Variants in DAB1 observed in about 807,000 individuals in gnomAD.
The protein encoded by DAB1 is DAB adaptor protein 1.
A neutral mutation model predicts 64.6 loss-of-function variants in DAB1; 15 were observed. That is an observed-to-expected ratio of 0.23 (90% confidence interval 0.16 to 0.36). The LOEUF (loss-of-function observed/expected upper bound fraction) is 0.36. Ranked by LOEUF, DAB1 falls within the 10% of genes least tolerant of loss-of-function variation. The pLI is 1.00. For synonymous variants in DAB1, 235 were observed against 251.9 expected, an observed-to-expected ratio of 0.93 and a Z score of 0.64; for missense variants, 596 against 706.7, an observed-to-expected ratio of 0.84 and a Z score of 1.78.
intron 1 of DAB1, among the ~76,000 whole-genome samples, chr1:58,535,096 G>GT (rs1420587498): frequency 6.6e-6 from 1 of 152,146 alleles, no homozygotes; most frequent in Non-Finnish European, 1.5e-5. Flanking sequence ...ATTTTAAGGT[G>GT]TTTTACTCAC....
chr1:58,352,620 T>A (rs1231998499), intron 3 of DAB1, among the ~76,000 whole-genome samples: 1 of 152,182 alleles, frequency 6.6e-6, no homozygotes, highest in African/African-American at 2.4e-5. Context: ...AAAGTGGGTC[T>A]AAACACAATC....
At chr1:57,637,963 A>T (rs758421895) in intron 7 of DAB1, among the ~76,000 whole-genome samples, 2 of 152,188 alleles carry the variant, frequency 1.3e-5, no homozygotes, top group Non-Finnish European at 2.9e-5. Flanking sequence ...GTTTACAATG[A>T]TTGTTACTGA....
intron 3 of DAB1, among the ~76,000 whole-genome samples, chr1:58,495,228 A>G (rs952465804): frequency 6.6e-6 from 1 of 152,098 alleles, no homozygotes; most frequent in Non-Finnish European, 1.5e-5. Flanking sequence ...ATGAGAACAC[A>G]TGGACACAGG....
At chr1:57,872,967 T>C (rs1011221435) in intron 1 of DAB1, among the ~76,000 whole-genome samples, 2 of 152,124 alleles carry the variant, frequency 1.3e-5, no homozygotes, top group African/African-American at 4.8e-5. Flanking sequence ...AGGTCTGGAC[T>C]GGATGGTTAG....
At chr1:58,094,469 G>C (rs546592433) in intron 5 of DAB1, among the ~76,000 whole-genome samples, 1 of 152,202 alleles carries the variant, frequency 6.6e-6, no homozygotes. Flanking sequence ...TGAAGAGAAA[G>C]TGGCTTGCAG....
intron 1 of DAB1, among the ~76,000 whole-genome samples, chr1:57,318,602 T>TA (rs539917883): frequency 1.2e-3 from 188 of 152,028 alleles, no homozygotes; most frequent in Non-Finnish European, 2.1e-3. Context: ...CCAAGGGAGA[T>TA]AAAAAATATC....
intron 2 of DAB1, among the ~76,000 whole-genome samples, chr1:57,183,438 C>T (rs1205367930): frequency 6.6e-6 from 1 of 152,108 alleles, no homozygotes. Context: ...GCAACAGTTG[C>T]CACGATTATG....
chr1:58,142,984 T>G (rs1654372363), intron 5 of DAB1, among the ~76,000 whole-genome samples: 1 of 152,178 alleles, frequency 6.6e-6, no homozygotes, highest in African/African-American at 2.4e-5. Flanking sequence ...GGGCACTTAT[T>G]GGAAATGGAA....
At chr1:58,358,406 A>G (rs750057557) in intron 3 of DAB1, among the ~76,000 whole-genome samples, 22 of 152,222 alleles carry the variant, frequency 1.4e-4, no homozygotes, top group Admixed American at 2.6e-4. Flanking sequence ...AGGAAGAAAG[A>G]AACAGGAGGG....
chr1:58,323,515 C>T lies in DAB1; in HGVS notation n.309+19837G>A, dbSNP rs575918965. ...ACGGAAAGGCCTCCTTAAGAGGCAT[C>T]ATAACACCACTCTATTTTGAATAGC... On this transcript the variant is annotated intron_variant and non_coding_transcript_variant, in intron 4 of 20. Coordinates refer to the DAB1 transcript ENST00000485760. Among the ~76,000 whole-genome samples, 288 of 152,188 alleles carry T rather than the reference C, an allele frequency of 1.9e-3. 2 individuals carry two copies. The highest frequency in any genetic ancestry group is 2.6e-3 in the Non-Finnish European group (174 of 68,010).
chr1:57,809,055 A>G (rs1651499024), intron 6 of DAB1, among the ~76,000 whole-genome samples: 1 of 152,236 alleles, frequency 6.6e-6, no homozygotes, highest in Admixed American at 6.5e-5. Flanking sequence ...ACAGAGAAGC[A>G]TTTAATATAT....
At chr1:57,201,050 C>T (rs1557925937) in intron 2 of DAB1, among the ~76,000 whole-genome samples, 1 of 152,164 alleles carries the variant, frequency 6.6e-6, no homozygotes, top group Non-Finnish European at 1.5e-5. Flanking sequence ...GCATTACATA[C>T]ATTTAATTCA....
At chr1:58,143,304 C>A (rs1047412463) in intron 5 of DAB1, among the ~76,000 whole-genome samples, 4 of 152,090 alleles carry the variant, frequency 2.6e-5, no homozygotes, top group African/African-American at 9.7e-5. Context: ...TAAAGAAGCA[C>A]CCACTCAATA....
intron 2 of DAB1, among the ~76,000 whole-genome samples, chr1:57,179,473 T>G (rs566460266): frequency 1.4e-3 from 210 of 152,332 alleles, no homozygotes; most frequent in African/African-American, 4.9e-3. Flanking sequence ...CCAGACCATA[T>G]TCTTAACATA....
In DAB1 at chr1:58,371,513, C is replaced by T. The variant is rs190281925; in HGVS notation, n.258-28110G>A. 3.6e-3 allele frequency among the ~76,000 whole-genome samples: 546 copies of T among 152,274 alleles called. 4 individuals carry two copies. The highest frequency in any genetic ancestry group is 0.012 in the African/African-American group (518 of 41,560). ...GACCATATGGTAGAAAATAAAAACC[C>T]ATTTTCTGGGGAGAAATTCAAGCCT... On this transcript the variant is annotated intron_variant and non_coding_transcript_variant, in intron 3 of 20. Transcript: ENST00000485760.
At chr1:57,473,329 G>A (rs921579677) in intron 7 of DAB1, among the ~76,000 whole-genome samples, 1 of 152,130 alleles carries the variant, frequency 6.6e-6, no homozygotes, top group African/African-American at 2.4e-5. Context: ...GGTATTGATT[G>A]CCGCCCTTCT....
chr1:57,843,512 T>G (rs1271204260), intron 1 of DAB1, among the ~76,000 whole-genome samples: 2 of 152,200 alleles, frequency 1.3e-5, no homozygotes, highest in Non-Finnish European at 2.9e-5. Flanking sequence ...CTATATTATC[T>G]GGTCACAGAG....
At chr1:58,148,053 C>A (rs1654712269) in intron 5 of DAB1, among the ~76,000 whole-genome samples, 1 of 149,474 alleles carries the variant, frequency 6.7e-6, no homozygotes, top group Admixed American at 6.6e-5. Flanking sequence ...AAATGGAATT[C>A]AAAATCCATG....
chr1:57,078,635 G>A (rs1174873540), intron 4 of DAB1, among the ~76,000 whole-genome samples: 2 of 152,148 alleles, frequency 1.3e-5, no homozygotes, highest in Admixed American at 6.5e-5. Flanking sequence ...GTGTTGTTAT[G>A]AGGATGAATA....
Sources: gnomAD v4.1 joint callset for allele counts (sites outside exome capture counted in the v4.1 genomes callset) on GRCh38, gnomAD v4.1.1 for gene constraint, MANE v1.5 for transcripts, NCBI Gene and HGNC (gene_info 2026-07-23, HGNC 2026-07-21) for gene names.